Variants in GRXCR1 observed in about 807,000 individuals in gnomAD.
The protein encoded by GRXCR1 is glutaredoxin and cysteine rich domain containing 1.
Under a neutral mutation model 27.3 loss-of-function variants are expected in GRXCR1, and 27 were observed. That is an observed-to-expected ratio of 0.99 (90% CI 0.73 to 1.37). The LOEUF (loss-of-function observed/expected upper bound fraction) is 1.37, where lower values mean the gene tolerates loss of function less well. GRXCR1 is among the 40% of genes most tolerant of loss of function. GRXCR1 has a pLI of 0.00. For synonymous variants in GRXCR1, 122 were observed against 131.1 expected, an observed-to-expected ratio of 0.93 and a Z score of 0.47; for missense variants, 379 against 354.4, an observed-to-expected ratio of 1.07 and a Z score of -0.56.
At chr4:42,981,254 AC>A (rs1413482878) in intron 2 of GRXCR1, among the ~76,000 whole-genome samples, 1 of 151,990 alleles carries the variant, frequency 6.6e-6, no homozygotes, top group Non-Finnish European at 1.5e-5. Flanking sequence ...CTTATAAAAA[AC>A]ATCTTATTTT....
chr4:42,900,195 C>A (rs933851761), intron 1 of GRXCR1, among the ~76,000 whole-genome samples: 2 of 152,066 alleles, frequency 1.3e-5, no homozygotes, highest in East Asian at 1.9e-4. Flanking sequence ...TGTATCAATC[C>A]TTCAATAATT....
At chr4:42,984,940 A>G (rs1242141340) in intron 2 of GRXCR1, among the ~76,000 whole-genome samples, 1 of 152,116 alleles carries the variant, frequency 6.6e-6, no homozygotes, top group Admixed American at 6.6e-5. Flanking sequence ...GAGGGAGGCT[A>G]CCTGATTCTA....
chr4:42,989,127 C>A (rs549827622), intron 2 of GRXCR1, among the ~76,000 whole-genome samples: 1 of 152,114 alleles, frequency 6.6e-6, no homozygotes, highest in Non-Finnish European at 1.5e-5. Flanking sequence ...TCTTTTATAT[C>A]GCTTATATAT....
intron 1 of GRXCR1, among the ~76,000 whole-genome samples, chr4:42,948,863 A>G (rs1211851316): frequency 6.6e-6 from 1 of 152,158 alleles, no homozygotes; most frequent in Non-Finnish European, 1.5e-5. Flanking sequence ...CAAAGGCAAG[A>G]CAAGGAATTC....
chr4:42,896,972 G>C (rs1746359753), intron 1 of GRXCR1, among the ~76,000 whole-genome samples: 1 of 152,104 alleles, frequency 6.6e-6, no homozygotes, highest in Non-Finnish European at 1.5e-5. Context: ...ACACTCTGAT[G>C]TAGTTGGTCT....
chr4:43,022,511 A>C (rs1035723643), intron 3 of GRXCR1, among the ~76,000 whole-genome samples: 31 of 152,202 alleles, frequency 2.0e-4, no homozygotes, highest in African/African-American at 7.5e-4. Context: ...AAATACTTTA[A>C]GTTATTTTTA....
intron 2 of GRXCR1, among the ~76,000 whole-genome samples, chr4:43,011,841 T>C (rs1278632623): frequency 6.6e-6 from 1 of 152,132 alleles, no homozygotes; most frequent in Non-Finnish European, 1.5e-5. Context: ...TTTGATTCCT[T>C]GGTCATTTTA....
intron 1 of GRXCR1, among the ~76,000 whole-genome samples, chr4:42,907,646 C>T (rs920451593): frequency 4.6e-5 from 7 of 152,122 alleles, no homozygotes; most frequent in African/African-American, 1.2e-4. Flanking sequence ...TCTCCCTGCT[C>T]CTTATATGTA....
In GRXCR1 at chr4:43,009,061, TG is replaced by T. The variant is rs1383402401; in HGVS notation, c.628-11292del. Among the ~76,000 whole-genome samples, 175 of 152,338 alleles carry T rather than the reference TG, an allele frequency of 1.1e-3. 2 individuals carry two copies. Among genetic ancestry groups the T allele is most frequent in the Non-Finnish European group, 1.9e-4 (13 of 68,020 alleles). On this transcript the variant is annotated intron_variant, in intron 2 of 3. Transcript: ENST00000399770. ...AAAGATCAATCACAGCAACCTTGTA[TG>T]TTTCAGAAAATCTCAAGCTTGCCTT... is the stretch of plus-strand genomic sequence containing the variant.
At chr4:42,901,003 G>A (rs931094737) in intron 1 of GRXCR1, among the ~76,000 whole-genome samples, 4 of 152,240 alleles carry the variant, frequency 2.6e-5, no homozygotes, top group South Asian at 2.1e-4. Flanking sequence ...TGCTTGTGGC[G>A]CATCTAGCAG....
At chr4:42,932,665 G>GAGAGAGAGAGAGAGAGAGA (rs3072809) in intron 1 of GRXCR1, among the ~76,000 whole-genome samples, 1 of 111,262 alleles carries the variant, frequency 9.0e-6, no homozygotes, top group African/African-American at 3.4e-5. Context: ...GAGAGAGAGA[G>GAGAGAGAGAGAGAGAGAGA]GCAATCTGTA....
intron 1 of GRXCR1, among the ~76,000 whole-genome samples, chr4:42,936,996 A>C (rs75126753): frequency 1.3e-5 from 2 of 151,842 alleles, no homozygotes; most frequent in Admixed American, 6.6e-5. Flanking sequence ...CTCTTTGGAA[A>C]GAAGTCATTC....
intron 2 of GRXCR1, among the ~76,000 whole-genome samples, chr4:42,964,295 A>G (rs1748191204): frequency 6.6e-6 from 1 of 152,062 alleles, no homozygotes; most frequent in Non-Finnish European, 1.5e-5. Flanking sequence ...TGCATCTGTC[A>G]TTTCATGTAA....
At chr4:42,916,947 T>C (rs1039664111) in intron 1 of GRXCR1, among the ~76,000 whole-genome samples, 1 of 152,134 alleles carries the variant, frequency 6.6e-6, no homozygotes, top group South Asian at 2.1e-4. Flanking sequence ...CTCCAATATA[T>C]ACATATTGAG....
At chr4:42,986,768 A>C (rs35250862) in intron 2 of GRXCR1, among the ~76,000 whole-genome samples, 12,304 of 152,102 alleles carry the variant, frequency 0.081, 605 homozygotes, top group African/African-American at 0.14. Context: ...GAACTCAGGT[A>C]ATATTTCTAA....
At chr4:43,014,453 C>T (rs1712867932) in intron 2 of GRXCR1, among the ~76,000 whole-genome samples, 2 of 152,120 alleles carry the variant, frequency 1.3e-5, no homozygotes. Context: ...GGTCGAACTC[C>T]TTCAATGCCA....
chr4:43,030,428 A>G lies in GRXCR1; in HGVS notation c.761A>G (p.His254Arg). The stretch of plus-strand genomic sequence containing the variant: ...GGCTTTCTTCCATGCTCCGTGTGCC[A>G]TGGGAGCAAGATGTCCATGTTTCGA... ...GFGFLPCSVCHGSKMSMFRNC... is the reference protein window; with the variant it reads ...GFGFLPCSVCRGSKMSMFRNC... Residue 254 changes from histidine (H) to arginine (R), a missense_variant, in exon 4 of 4, where the codon CAT (histidine) becomes CGT (arginine). Transcript: ENST00000399770. The G allele has an allele frequency of 6.2e-7, 1 of 1,613,894 alleles. No individual in the cohort carries two copies. Among genetic ancestry groups the G allele is most frequent in the Non-Finnish European group, 8.5e-7 (1 of 1,179,814 alleles).
At chr4:42,945,756 G>A (rs558406824) in intron 1 of GRXCR1, among the ~76,000 whole-genome samples, 2 of 152,266 alleles carry the variant, frequency 1.3e-5, no homozygotes, top group East Asian at 1.9e-4. Context: ...ATTTAACCAC[G>A]TAGTAAAGGA....
At chr4:43,011,548 C>T (rs188453536) in intron 2 of GRXCR1, among the ~76,000 whole-genome samples, 15 of 152,260 alleles carry the variant, frequency 9.9e-5, no homozygotes, top group Non-Finnish European at 1.8e-4. Context: ...CTCCTGGGTG[C>T]TTCATCAAGC....
Sources: allele counts gnomAD v4.1 joint callset (sites outside exome capture counted in the v4.1 genomes callset), GRCh38; gene constraint gnomAD v4.1.1; transcripts MANE v1.5; gene names NCBI Gene and HGNC (gene_info 2026-07-23, HGNC 2026-07-21).